Variants in DST observed in about 807,000 individuals in gnomAD.
The protein encoded by DST is dystonin.
DST carries 253 observed loss-of-function variants against 875.2 expected under a neutral mutation model. The observed-to-expected ratio is 0.29, with a 90% CI of 0.26 to 0.32. The LOEUF is 0.32. Ranked by LOEUF, DST falls within the 10% of genes least tolerant of loss-of-function variation. The pLI is 1.00. For missense variants in DST, 8,287 were observed against 9,111.6 expected (o/e 0.91, Z 3.68); for synonymous variants, 3,124 against 3,197.1 (o/e 0.98, Z 0.77).
Position 56,712,090 on chromosome 6 carries a change from C to CAAAAAAAAAAAAAAAAAAAAA in DST, c.688-7722_688-7721insTTTTTTTTTTTTTTTTTTTTT, listed in dbSNP as rs34769867. On this transcript the variant is annotated intron_variant, in intron 5 of 103. Coordinates refer to ENST00000680361, the MANE Select transcript of DST (RefSeq NM_001374736.1). ...TGGGCGACAGAGCGAGACTCCGTCT[C>CAAAAAAAAAAAAAAAAAAAAA]AAAAAAAAAAAAAAAATAGGAGGAG... 2.4e-3 allele frequency among the ~76,000 whole-genome samples: 186 copies of CAAAAAAAAAAAAAAAAAAAAA among 75,964 alleles called. 1 individual carries two copies. Among genetic ancestry groups the CAAAAAAAAAAAAAAAAAAAAA allele is most frequent in the Non-Finnish European group, 5.0e-3 (157 of 31,202 alleles). 49.8% of individuals were successfully genotyped at this position (75,964 alleles called of 152,430 possible). A position where few individuals can be genotyped will look rare whatever the true frequency, so the allele number is the denominator to read the frequency against.
chr6:56,924,132 A>G (rs979254658), intron 2 of DST, among the ~76,000 whole-genome samples: 2 of 151,892 alleles, frequency 1.3e-5, no homozygotes, highest in African/African-American at 4.8e-5. Context: ...TCAAAAAAAA[A>G]CCCTCCCAGA....
intron 31 of DST, 130 bp downstream of exon 31, chr6:56,630,113 TCA>T (rs771485478): frequency 4.8e-5 from 35 of 724,714 alleles, no homozygotes; most frequent in Non-Finnish European, 7.5e-5. Context: ...AACTGTGAGA[TCA>T]CAGAGACACA....
intron 1 of DST, 43 bp downstream of exon 1, chr6:56,954,364 T>A (rs563928155): frequency 7.5e-7 from 1 of 1,330,946 alleles, no homozygotes. Flanking sequence ...ATCGGCTTAA[T>A]TGTTCCTGGT....
At chr6:56,645,793 T>C in intron 15 of DST, 73 bp downstream of exon 15, 1 of 1,560,636 alleles carries the variant, frequency 6.4e-7, no homozygotes, top group Non-Finnish European at 8.7e-7. Flanking sequence ...GAGGTTTAAC[T>C]TAAGTTCTTT....
chr6:56,872,825 C>A (rs368684634), intron 3 of DST, among the ~76,000 whole-genome samples: 2 of 136,110 alleles, frequency 1.5e-5, no homozygotes, highest in African/African-American at 2.8e-5. Context: ...CACTGATTCC[C>A]CCCCCCCTTT....
intron 3 of DST, among the ~76,000 whole-genome samples, chr6:56,876,776 C>T (rs1429026009): frequency 6.6e-6 from 1 of 152,180 alleles, no homozygotes; most frequent in Non-Finnish European, 1.5e-5. Context: ...TTCTAACTAT[C>T]CCCAAATGTA....
chr6:56,620,996 G>C (rs1311691089), intron 36 of DST, among the ~76,000 whole-genome samples: 2 of 152,176 alleles, frequency 1.3e-5, no homozygotes, highest in African/African-American at 2.4e-5. Context: ...TTTATAGCAA[G>C]AAGGGAATTT....
chr6:56,517,664 G>C (rs747813882), intron 69 of DST, 44 bp from the exon 70 acceptor site: 3 of 1,572,614 alleles, frequency 1.9e-6, no homozygotes, highest in Admixed American at 1.9e-5. Context: ...TCCCGTTCCT[G>C]ATGCCAGAAA....
At chr6:56,624,489 A>G in intron 36 of DST, 41 bp downstream of exon 36, 1 of 1,365,070 alleles carries the variant, frequency 7.3e-7, no homozygotes, top group African/African-American at 1.4e-5. Context: ...GCTCATCTCT[A>G]GCTCCTTTAT....
Position 56,494,094 on chromosome 6 carries a change from T to C in DST, c.20310A>G (p.Lys6770=). Residue 6770 remains lysine (K), a synonymous_variant, in exon 83 of 104, where the codon AAA becomes AAG. Transcript: ENST00000680361. ...KGQQMLARCP[K]SAETNIDQDI... is the part of the protein sequence containing the mutation. The stretch of plus-strand genomic sequence containing the variant: ...CTTGGTCAATATTTGTCTCTGCAGA[T>C]TTTGGGCATCTTGCAAGCATCTGCT... 21 of 1,611,810 alleles carry C rather than the reference T, an allele frequency of 1.3e-5. No individual in the cohort carries two copies. The highest frequency in any genetic ancestry group is 1.3e-5 in the Non-Finnish European group (15 of 1,178,564).
At chr6:56,629,835 A>G (rs528763901) in intron 31 of DST, among the ~76,000 whole-genome samples, 1 of 152,366 alleles carries the variant, frequency 6.6e-6, no homozygotes, top group East Asian at 1.9e-4. Flanking sequence ...ATTGCTTTGC[A>G]ATAGTTTCAC....
At chr6:56,509,540 CTTTT>C (rs1278041496) in intron 74 of DST, 98 bp downstream of exon 74, 3 of 860,548 alleles carry the variant, frequency 3.5e-6, no homozygotes, top group African/African-American at 3.4e-5. Flanking sequence ...TTTGTAGTAT[CTTTT>C]TTAAGATGCG....
Position 56,560,383 on chromosome 6 carries a change from T to G in DST, c.14351A>C (p.Gln4784Pro). The G allele has an allele frequency of 1.2e-6, 2 of 1,605,026 alleles. No homozygotes were observed. The highest frequency in any genetic ancestry group is 1.7e-6 in the Non-Finnish European group (2 of 1,174,872). The change falls in exon 58 of 104, where the codon CAG becomes CCG. Residue 4784 changes from glutamine to proline, a missense_variant. This residue lies in a region of DST where 1,513 missense variants were observed against 1,677.8 expected (regional missense o/e 0.90). Coordinates refer to ENST00000680361, the MANE Select transcript of DST (RefSeq NM_001374736.1). Reference sequence around the variant, plus strand: ...CTCTGTCAATTTGTCTTTCAACTCCTGTACTTTGTTTACATTCTGCTTCAG... The same window carrying G: ...CTCTGTCAATTTGTCTTTCAACTCCGGTACTTTGTTTACATTCTGCTTCAG... The part of the protein sequence containing the change: ...AELKQNVNKV[Q>P]ELKDKLTELL...
intron 33 of DST, 82 bp from the exon 34 acceptor site, chr6:56,627,369 A>G (rs2098744207): frequency 1.1e-6 from 1 of 926,922 alleles, no homozygotes; most frequent in Non-Finnish European, 1.8e-6. Flanking sequence ...ACTAAGACAT[A>G]TCTACATCAC....
rs776318575 is a variant in DST at position 56,605,994 on chromosome 6, TACA to T, written c.8631_8633del (p.Val2878del). ...TATTTTCACTAGGTGATGCTAGCTG[TACA>T]ACATTTACCCTTTGCTGTTTTTCTA... is the stretch of plus-strand genomic sequence containing the variant. On this transcript the variant is annotated inframe_deletion, in exon 40 of 104. Coordinates refer to ENST00000680361, the MANE Select transcript of DST (RefSeq NM_001374736.1). 56 of 1,612,666 alleles carry T rather than the reference TACA, an allele frequency of 3.5e-5. 1 individual carries two copies. In the East Asian group the frequency reaches 1.2e-3, roughly 35 times the overall value.
At chr6:56,584,543 G>A (rs2098104194) in intron 49 of DST, among the ~76,000 whole-genome samples, 1 of 150,578 alleles carries the variant, frequency 6.6e-6, no homozygotes, top group Non-Finnish European at 1.5e-5. Context: ...CTGCAAACAG[G>A]GACAATTTGA....
In DST at chr6:56,497,442, C is replaced by G. The variant is rs1259974233; in HGVS notation, c.20160G>C (p.Leu6720=). The G allele has an allele frequency of 6.2e-7, 1 of 1,613,230 alleles. No individual in the cohort carries two copies. Among genetic ancestry groups the G allele is most frequent in the Non-Finnish European group, 8.5e-7 (1 of 1,179,414 alleles). ...AACCTCCCAGCGGTTTAGATGCCAA[C>G]AGATGACGCTCCGTGTCAGTCAGCC... is the stretch of plus-strand genomic sequence containing the variant. ...QQWLTDTERH[L]LASKPLGGLP... Residue 6720 remains leucine, a synonymous_variant, in exon 82 of 104, where the codon CTG becomes CTC. Coordinates refer to ENST00000680361, the MANE Select transcript of DST (RefSeq NM_001374736.1).
At chr6:56,594,392 T>A (rs1306858281) in intron 47 of DST, among the ~76,000 whole-genome samples, 199 bp from the exon 48 acceptor site, 3 of 152,202 alleles carry the variant, frequency 2.0e-5, no homozygotes, top group East Asian at 1.9e-4. Context: ...CATGCTAATC[T>A]TATTTTAAAG....
chr6:56,668,053 T>A lies in DST; in HGVS notation c.1214+2588A>T, dbSNP rs188917149. 7.9e-5 allele frequency among the ~76,000 whole-genome samples: 12 copies of A among 152,288 alleles called. No individual in the cohort carries two copies. The East Asian group carries it at 2.3e-3, about 29-fold the overall frequency. On this transcript the variant is annotated intron_variant, in intron 10 of 103. Coordinates refer to ENST00000680361, the MANE Select transcript of DST (RefSeq NM_001374736.1). The stretch of plus-strand genomic sequence containing the variant: ...CCAAAAGTAGGTTATTTTAGAAGAA[T>A]AGCTGGATCCCATATTTTGCTTCTG...
Sources: allele counts gnomAD v4.1 joint callset (sites outside exome capture counted in the v4.1 genomes callset), GRCh38; gene constraint gnomAD v4.1.1; regional missense constraint gnomAD v4.1.1; transcripts MANE v1.5; gene names NCBI Gene and HGNC (gene_info 2026-07-23, HGNC 2026-07-21).